The following RYR3 variants were observed in gnomAD, a reference collection of about 807,000 sequenced individuals.
The protein encoded by RYR3 is brain ryanodine receptor-calcium release channel.
RYR3 carries 207 observed loss-of-function variants against 584.3 expected under a neutral mutation model. The observed-to-expected ratio is 0.35, with a 90% CI of 0.32 to 0.40. The LOEUF (loss-of-function observed/expected upper bound fraction) is 0.40. RYR3 is among the 10% of genes least tolerant of loss of function. The probability of loss-of-function intolerance (pLI) is 1.00; values close to 1 mark genes in which losing one functional copy is unlikely to be tolerated. For synonymous variants in RYR3, 2,416 were observed against 2,248.5 expected (o/e 1.07, Z -2.11); for missense variants, 5,616 against 6,089.2 (o/e 0.92, Z 2.59).
chr15:33,833,174 T>C (rs2077810399), intron 86 of RYR3, among the ~76,000 whole-genome samples: 1 of 152,250 alleles, frequency 6.6e-6, no homozygotes, highest in African/African-American at 2.4e-5. Flanking sequence ...TCCATCTTGC[T>C]GAGACAGAAG....
chr15:33,695,410 T>C (rs1314337108), intron 38 of RYR3, among the ~76,000 whole-genome samples: 2 of 151,590 alleles, frequency 1.3e-5, no homozygotes, highest in Non-Finnish European at 2.9e-5. Context: ...ATCTTTCCTT[T>C]ACTTGTATAG....
intron 1 of RYR3, among the ~76,000 whole-genome samples, chr15:33,435,667 C>T (rs958930614): frequency 2.0e-5 from 3 of 152,180 alleles, no homozygotes; most frequent in South Asian, 2.1e-4. Flanking sequence ...CGACCTCAAG[C>T]GTTACAGCTC....
At chr15:33,442,402 T>C (rs1164832671) in intron 1 of RYR3, among the ~76,000 whole-genome samples, 1 of 152,232 alleles carries the variant, frequency 6.6e-6, no homozygotes, top group Non-Finnish European at 1.5e-5. Flanking sequence ...TTTTGATTAA[T>C]ATTAGGTAGT....
chr15:33,584,985 T>C (rs2058773933), intron 15 of RYR3, among the ~76,000 whole-genome samples: 1 of 152,082 alleles, frequency 6.6e-6, no homozygotes, highest in Admixed American at 6.6e-5. Context: ...TCTATAGTCC[T>C]CCCTCATGAC....
chr15:33,687,598 A>G (rs1285800292), intron 38 of RYR3, among the ~76,000 whole-genome samples: 1 of 152,230 alleles, frequency 6.6e-6, no homozygotes, highest in Non-Finnish European at 1.5e-5. Context: ...AAGAGCCCAC[A>G]TTGCCAAGAC....
intron 19 of RYR3, among the ~76,000 whole-genome samples, chr15:33,618,371 C>G (rs1373078714): frequency 1.3e-5 from 2 of 152,188 alleles, no homozygotes; most frequent in Admixed American, 1.3e-4. Context: ...AGGTAACCAA[C>G]AGCTTAGCTA....
At chr15:33,332,703 A>G (rs1970504241) in intron 1 of RYR3, among the ~76,000 whole-genome samples, 1 of 152,138 alleles carries the variant, frequency 6.6e-6, no homozygotes, top group Non-Finnish European at 1.5e-5. Context: ...AATGACCCAC[A>G]TAACTTCCTT....
At chr15:33,553,347 G>T (rs1032882439) in intron 10 of RYR3, among the ~76,000 whole-genome samples, 9 of 152,174 alleles carry the variant, frequency 5.9e-5, no homozygotes, top group African/African-American at 1.9e-4. Context: ...GCTTGTGACA[G>T]TTATGACTAC....
intron 62 of RYR3, 50 bp downstream of exon 62, chr15:33,769,222 C>T (rs1413131335): frequency 7.8e-7 from 1 of 1,282,556 alleles, no homozygotes; most frequent in Non-Finnish European, 1.1e-6. Context: ...TCCTCTCTGA[C>T]CCTCTCATCT....
chr15:33,394,843 C>T (rs926637037), intron 1 of RYR3, among the ~76,000 whole-genome samples: 1 of 152,064 alleles, frequency 6.6e-6, no homozygotes, highest in Non-Finnish European at 1.5e-5. Flanking sequence ...ATTTTGAAAG[C>T]CAGTTCTGAG....
intron 60 of RYR3, among the ~76,000 whole-genome samples, chr15:33,767,464 T>TA (rs756274647): frequency 4.9e-4 from 75 of 152,312 alleles, no homozygotes; most frequent in Non-Finnish European, 8.4e-4. Flanking sequence ...ACCAATTAAC[T>TA]AGCCATGGGA....
At chr15:33,510,996 G>A (rs1231554411) in intron 3 of RYR3, among the ~76,000 whole-genome samples, 1 of 152,120 alleles carries the variant, frequency 6.6e-6, no homozygotes, top group Non-Finnish European at 1.5e-5. Context: ...TATGCCATCA[G>A]GAAGACCTTA....
chr15:33,770,229 G>A (rs2073457103), intron 62 of RYR3, among the ~76,000 whole-genome samples: 1 of 151,870 alleles, frequency 6.6e-6, no homozygotes, highest in African/African-American at 2.4e-5. Context: ...GACACTAAAA[G>A]AGCGTCCCAA....
rs752724852 is a variant in RYR3 at position 33,660,353 on chromosome 15, C to T, written c.4552C>T (p.Arg1518Cys). The stretch of plus-strand genomic sequence containing the variant: ...GGTGGAGACCGAGCGTGTGAGCGAG[C>T]GCCACGGCTGGGTGGTGCAGTGCCT... ...LKVETERVSE[R>C]HGWVVQCLEP... Residue 1518 changes from arginine to cysteine, a missense_variant, in exon 34 of 104, where the codon CGC (arginine) becomes TGC (cysteine). Transcript: ENST00000634891. 3.0e-5 allele frequency: 48 copies of T among 1,592,148 alleles called. No individual in the cohort carries two copies. The highest frequency in any genetic ancestry group is 1.9e-4 in the African/African-American group (14 of 74,658).
chr15:33,336,801 A>C (rs1971149124), intron 1 of RYR3, among the ~76,000 whole-genome samples: 1 of 152,004 alleles, frequency 6.6e-6, no homozygotes, highest in African/African-American at 2.4e-5. Flanking sequence ...TCACGCCTGT[A>C]ATCCCAGCAC....
At position 33,830,986 on chromosome 15, in the gene RYR3, G is replaced by C; in HGVS notation, c.11358G>C (p.Trp3786Cys). ...RLQESISDFY[W>C]YYSGKDIIDE... The stretch of plus-strand genomic sequence containing the variant: ...AGGAATCAATCAGTGATTTCTACTG[G>C]TATTATTCAGGGAAGGACATCATTG... Residue 3786 changes from tryptophan (W) to cysteine (C), a missense_variant, in exon 86 of 104, where the codon TGG becomes TGC. Trp to Cys is a radical substitution (Grantham distance 215, BLOSUM62 -2). Transcript: ENST00000634891. The C allele has an allele frequency of 6.2e-7, 1 of 1,613,536 alleles. No homozygotes were observed. The highest frequency in any genetic ancestry group is 1.7e-5 in the Admixed American group (1 of 60,000).
At chr15:33,522,832 G>A (rs2054104965) in intron 3 of RYR3, among the ~76,000 whole-genome samples, 1 of 152,082 alleles carries the variant, frequency 6.6e-6, no homozygotes, top group African/African-American at 2.4e-5. Flanking sequence ...CTGTGCATGT[G>A]CCCCTCCTAC....
At chr15:33,807,688 G>A in intron 70 of RYR3, 119 bp downstream of exon 70, 1 of 1,011,284 alleles carries the variant, frequency 9.9e-7, no homozygotes, top group Non-Finnish European at 1.5e-6. Context: ...CCGCCTGGAG[G>A]TCCCCCAGGC....
At chr15:33,519,075 T>G (rs993097108) in intron 3 of RYR3, among the ~76,000 whole-genome samples, 3 of 152,202 alleles carry the variant, frequency 2.0e-5, no homozygotes, top group Non-Finnish European at 4.4e-5. Flanking sequence ...TGCCATTAAC[T>G]GCATCTTTTC....
Sources: gnomAD v4.1 joint callset for allele counts (sites outside exome capture counted in the v4.1 genomes callset) on GRCh38, gnomAD v4.1.1 for gene constraint, MANE v1.5 for transcripts, NCBI Gene and HGNC (gene_info 2026-07-23, HGNC 2026-07-21) for gene names.